The following DLG2 variants were observed in gnomAD, a reference collection of about 807,000 sequenced individuals.
The protein encoded by DLG2 is disks large homolog 2.
In DLG2, 45 loss-of-function variants were observed where a neutral mutation model predicts 132.5. That is an observed-to-expected ratio of 0.34 (90% CI 0.27 to 0.44). The LOEUF (loss-of-function observed/expected upper bound fraction) is 0.44, where lower values mean the gene tolerates loss of function less well. Ranked by LOEUF, DLG2 falls within the 20% of genes least tolerant of loss-of-function variation. DLG2 has a pLI of 1.00. For missense variants in DLG2, 1,045 were observed against 1,196.9 expected (o/e 0.87, Z 1.87); for synonymous variants, 424 against 419.6 (o/e 1.01, Z -0.13).
At chr11:84,175,377 TA>T (rs2154274815) in intron 8 of DLG2, among the ~76,000 whole-genome samples, 1 of 152,270 alleles carries the variant, frequency 6.6e-6, no homozygotes, top group South Asian at 2.1e-4. Flanking sequence ...AGCCGCATTA[TA>T]AATTGTTATT....
chr11:83,980,690 T>G lies in DLG2; in HGVS notation c.920-48A>C, dbSNP rs754796473. On this transcript the variant is annotated intron_variant, in intron 11 of 27. Coordinates refer to ENST00000376104, the MANE Select transcript of DLG2 (RefSeq NM_001142699.3). Reference sequence around the variant, plus strand: ...GGAAAGCCTTGTTTTGTTGTTGTAGTTGTTTTTAGAAAATGCAGTTAGCCA... The same window carrying G: ...GGAAAGCCTTGTTTTGTTGTTGTAGGTGTTTTTAGAAAATGCAGTTAGCCA... 6 of 1,451,568 alleles carry G rather than the reference T, an allele frequency of 4.1e-6. No homozygotes were observed. In the East Asian group the frequency reaches 1.5e-4, roughly 37 times the overall value. 89.9% of individuals were successfully genotyped at this position (1,451,568 alleles called of 1,614,324 possible). A position where few individuals can be genotyped will look rare whatever the true frequency, so the allele number is the denominator to read the frequency against.
chr11:84,911,792 C>G (rs943953640), intron 6 of DLG2, among the ~76,000 whole-genome samples: 1 of 152,124 alleles, frequency 6.6e-6, no homozygotes, highest in African/African-American at 2.4e-5. Flanking sequence ...GATTAGTGAC[C>G]TCTATGCACC....
At chr11:84,978,334 A>G (rs1419838695) in intron 6 of DLG2, among the ~76,000 whole-genome samples, 2 of 152,242 alleles carry the variant, frequency 1.3e-5, no homozygotes, top group African/African-American at 4.8e-5. Context: ...GAACCAAAAA[A>G]GAGCCCGCAT....
intron 6 of DLG2, among the ~76,000 whole-genome samples, chr11:84,568,109 C>T (rs2099464702): frequency 6.6e-6 from 1 of 152,128 alleles, no homozygotes; most frequent in Admixed American, 6.6e-5. Flanking sequence ...ATGGCTAGAC[C>T]ACCTGGAGTC....
intron 15 of DLG2, among the ~76,000 whole-genome samples, chr11:83,893,536 C>T (rs937977756): frequency 6.6e-6 from 1 of 152,190 alleles, no homozygotes; most frequent in Non-Finnish European, 1.5e-5. Flanking sequence ...CATTCAGATC[C>T]CTGAGATGCC....
At chr11:84,758,676 C>A (rs1462809409) in intron 6 of DLG2, among the ~76,000 whole-genome samples, 6 of 151,988 alleles carry the variant, frequency 3.9e-5, no homozygotes, top group Admixed American at 2.0e-4. Context: ...ATTTAGTTTA[C>A]AAAACGTTTT....
At chr11:84,197,345 A>C (rs544879658) in intron 8 of DLG2, among the ~76,000 whole-genome samples, 1 of 152,310 alleles carries the variant, frequency 6.6e-6, no homozygotes, top group South Asian at 2.1e-4. Context: ...TATAATCAAA[A>C]TATAAAACAC....
chr11:85,003,792 T>C (rs571589320), intron 6 of DLG2, among the ~76,000 whole-genome samples: 6 of 152,262 alleles, frequency 3.9e-5, no homozygotes, highest in South Asian at 4.1e-4. Flanking sequence ...TACATAGGTA[T>C]ATATGTGTCA....
chr11:85,379,833 A>G (rs1033082717), intron 3 of DLG2, among the ~76,000 whole-genome samples: 1 of 152,158 alleles, frequency 6.6e-6, no homozygotes, highest in Non-Finnish European at 1.5e-5. Context: ...CAAATGCTAA[A>G]TGGTGGTGGT....
At chr11:85,016,611 G>A (rs2059597962) in intron 6 of DLG2, among the ~76,000 whole-genome samples, 1 of 152,092 alleles carries the variant, frequency 6.6e-6, no homozygotes, top group Non-Finnish European at 1.5e-5. Context: ...TGTGGGAAAG[G>A]AACTCACACA....
intron 19 of DLG2, chr11:83,633,006 T>G (rs1048487746): frequency 1.9e-6 from 1 of 531,548 alleles, no homozygotes. Context: ...AAAGAATAAC[T>G]TGATAAAAGC....
At chr11:84,686,680 G>T in intron 6 of DLG2, 1 of 134,244 alleles carries the variant, frequency 7.4e-6, no homozygotes, top group Non-Finnish European at 1.5e-5. Context: ...ACATATAATA[G>T]CCTAAAAACA....
intron 6 of DLG2, among the ~76,000 whole-genome samples, chr11:84,550,406 C>T (rs2099399596): frequency 6.6e-6 from 1 of 152,082 alleles, no homozygotes; most frequent in Non-Finnish European, 1.5e-5. Context: ...CTCTTGGTAT[C>T]TTCCACTTAT....
chr11:85,464,335 G>C (rs1253263042), intron 3 of DLG2, among the ~76,000 whole-genome samples: 1 of 152,114 alleles, frequency 6.6e-6, no homozygotes, highest in Non-Finnish European at 1.5e-5. Flanking sequence ...AAGAACTGGA[G>C]TTACCACTCA....
chr11:85,574,892 C>T (rs2078061664), intron 3 of DLG2, among the ~76,000 whole-genome samples: 1 of 152,064 alleles, frequency 6.6e-6, no homozygotes, highest in African/African-American at 2.4e-5. Context: ...TACAGCAACA[C>T]AAAACAGACT....
chr11:84,287,470 T>A (rs1341664175), intron 7 of DLG2, among the ~76,000 whole-genome samples: 1 of 152,068 alleles, frequency 6.6e-6, no homozygotes, highest in Non-Finnish European at 1.5e-5. Context: ...ACCATAGAAT[T>A]TTCACAGACT....
intron 6 of DLG2, among the ~76,000 whole-genome samples, chr11:84,882,762 T>C (rs572715687): frequency 7.9e-5 from 12 of 152,218 alleles, no homozygotes; most frequent in African/African-American, 2.2e-4. Context: ...CACCAGAATC[T>C]TCATTAAAAA....
rs568854529 is a variant in DLG2 at position 83,726,034 on chromosome 11, A to G, written c.1825+60656T>C. 1.9e-4 allele frequency among the ~76,000 whole-genome samples: 29 copies of G among 152,062 alleles called. No individual in the cohort carries two copies. The South Asian group carries it at 3.7e-3, about 20-fold the overall frequency. ...CACAGGCTAAAAAACCCTATGAGGG[A>G]AAAAAAAGTCCCTCAAATAGGAGTC... On this transcript the variant is annotated intron_variant, in intron 18 of 27. Coordinates refer to ENST00000376104, the MANE Select transcript of DLG2 (RefSeq NM_001142699.3).
chr11:84,370,379 A>T (rs1296318152), intron 7 of DLG2, among the ~76,000 whole-genome samples: 1 of 152,184 alleles, frequency 6.6e-6, no homozygotes, highest in Non-Finnish European at 1.5e-5. Flanking sequence ...GGAATCTCCT[A>T]GTTTTCCCCA....
Sources: gnomAD v4.1 joint callset for allele counts (sites outside exome capture counted in the v4.1 genomes callset) on GRCh38, gnomAD v4.1.1 for gene constraint, MANE v1.5 for transcripts, NCBI Gene and HGNC (gene_info 2026-07-23, HGNC 2026-07-21) for gene names.